Variants in KMT5A observed in about 807,000 individuals in gnomAD.
KMT5A encodes N-lysine methyltransferase KMT5A.
Under a neutral mutation model 40.6 loss-of-function variants are expected in KMT5A, and 6 were observed. The observed-to-expected ratio is 0.15, with a 90% confidence interval of 0.08 to 0.29. The LOEUF (loss-of-function observed/expected upper bound fraction) is 0.29, where lower values mean the gene tolerates loss of function less well. KMT5A is among the 10% of genes least tolerant of loss of function. KMT5A has a pLI of 1.00. For synonymous variants in KMT5A, 153 were observed against 178.8 expected, an observed-to-expected ratio of 0.86 and a Z score of 1.15; for missense variants, 308 against 459.1, an observed-to-expected ratio of 0.67 and a Z score of 3.01.
intron 5 of KMT5A, among the ~76,000 whole-genome samples, chr12:123,397,890 C>T (rs924071588): frequency 2.7e-5 from 4 of 149,446 alleles, no homozygotes; most frequent in African/African-American, 9.8e-5. Flanking sequence ...TCAGGCTGGT[C>T]TCGAACTCTC....
At chr12:123,392,670 A>G (rs1303290367) in intron 3 of KMT5A, among the ~76,000 whole-genome samples, 8 of 152,092 alleles carry the variant, frequency 5.3e-5, no homozygotes, top group African/African-American at 1.9e-4. Flanking sequence ...TCTCTAATAT[A>G]AAAATAAAAA....
intron 5 of KMT5A, among the ~76,000 whole-genome samples, chr12:123,401,583 G>GT (rs1878182895): frequency 6.8e-6 from 1 of 146,028 alleles, no homozygotes; most frequent in Non-Finnish European, 1.5e-5. Context: ...GTTTTTTTTT[G>GT]TTTTTTGTTT....
rs371352371 is a variant in KMT5A at position 123,404,967 on chromosome 12, G to A, written c.741G>A (p.Gly247=). The A allele has an allele frequency of 6.2e-7, 1 of 1,613,840 alleles. No individual in the cohort carries two copies. Among genetic ancestry groups the A allele is most frequent in the African/African-American group, 1.3e-5 (1 of 74,892 alleles). ...SRGDFVVEYH[G]DLIEITDAKK... Reference sequence around the variant, plus strand: ...GTGACTTTGTGGTGGAATACCACGGGGACCTCATCGAGATCACCGACGCCA... The same window carrying A: ...GTGACTTTGTGGTGGAATACCACGGAGACCTCATCGAGATCACCGACGCCA... Residue 247 remains glycine (G), a synonymous_variant, in exon 7 of 8, where the codon GGG becomes GGA. Coordinates refer to ENST00000402868, the MANE Select transcript of KMT5A (RefSeq NM_020382.7).
intron 1 of KMT5A, chr12:123,388,695 C>T (rs28533432): frequency 0.6 from 90,383 of 149,666 alleles, 28,654 homozygotes; most frequent in East Asian, 0.71. Flanking sequence ...TTTCGTCTGG[C>T]ACAGACCGGG....
intron 2 of KMT5A, among the ~76,000 whole-genome samples, chr12:123,389,864 T>C (rs908796368): frequency 6.6e-6 from 1 of 151,954 alleles, no homozygotes; most frequent in African/African-American, 2.4e-5. Context: ...GCCTCGGTGT[T>C]GAATGGTCCC....
chr12:123,385,261 T>C (rs962090063), intron 1 of KMT5A, among the ~76,000 whole-genome samples: 2 of 152,144 alleles, frequency 1.3e-5, no homozygotes, highest in African/African-American at 4.8e-5. Flanking sequence ...GGATAAGACT[T>C]ACCCAGAGCC....
intron 2 of KMT5A, chr12:123,390,052 T>C (rs1380832242): frequency 4.3e-6 from 2 of 468,028 alleles, no homozygotes; most frequent in Non-Finnish European, 8.8e-6. Context: ...CCGAATGCGC[T>C]GGCTGTGGCT....
chr12:123,398,303 T>C (rs1419276182), intron 5 of KMT5A, among the ~76,000 whole-genome samples: 11 of 148,382 alleles, frequency 7.4e-5, no homozygotes, highest in African/African-American at 2.5e-4. Context: ...AAGACAGCAC[T>C]GCAGATGGTG....
In KMT5A at chr12:123,395,238, A is replaced by T. The variant is rs1566076895; in HGVS notation, c.481A>T (p.Ile161Phe). Residue 161 changes from isoleucine to phenylalanine, a missense_variant, in exon 4 of 8, where the codon ATC becomes TTC. By Grantham distance (21) the Ile-to-Phe change is conservative (BLOSUM62 0). Coordinates refer to ENST00000402868, the MANE Select transcript of KMT5A (RefSeq NM_020382.7). ...AIAKQALKKP[I>F]KGKQAPRKKA... The stretch of plus-strand genomic sequence containing the variant: ...CGCCAAGCAAGCCCTGAAAAAGCCC[A>T]TCAAGGGCAAACAGGCCCCCCGAAA... The T allele has an allele frequency of 1.2e-6, 2 of 1,613,464 alleles. No homozygotes were observed. Among genetic ancestry groups the T allele is most frequent in the South Asian group, 2.2e-5 (2 of 90,954 alleles).
At chr12:123,395,566 GTTT>G (rs144265301) in intron 4 of KMT5A, among the ~76,000 whole-genome samples, 1 of 143,062 alleles carries the variant, frequency 7.0e-6, no homozygotes, top group African/African-American at 2.6e-5. Context: ...GGTGTTTTGT[GTTT>G]TTTTTTTTTT....
intron 3 of KMT5A, among the ~76,000 whole-genome samples, chr12:123,394,401 C>G (rs1336942393): frequency 6.6e-6 from 1 of 152,108 alleles, no homozygotes. Flanking sequence ...CTGTGTCCAG[C>G]CTATTTACTT....
chr12:123,401,561 G>A (rs1878180294), intron 5 of KMT5A, among the ~76,000 whole-genome samples: 1 of 151,188 alleles, frequency 6.6e-6, no homozygotes, highest in Non-Finnish European at 1.5e-5. Flanking sequence ...TATTAAATAA[G>A]TTTATGGGAA....
intron 3 of KMT5A, 46 bp downstream of exon 3, chr12:123,390,832 G>T (rs770232374): frequency 1.2e-6 from 2 of 1,601,564 alleles, no homozygotes; most frequent in Non-Finnish European, 1.7e-6. Flanking sequence ...TGGTCGGGTT[G>T]CAGAAGCCTC....
At chr12:123,406,514 A>G (rs1251106034) in intron 7 of KMT5A, among the ~76,000 whole-genome samples, 2 of 151,896 alleles carry the variant, frequency 1.3e-5, no homozygotes, top group Admixed American at 6.6e-5. Flanking sequence ...GCGTTTCACC[A>G]TGGTGGCCAG....
intron 1 of KMT5A, among the ~76,000 whole-genome samples, chr12:123,387,851 G>C (rs1033555887): frequency 6.6e-6 from 1 of 152,210 alleles, no homozygotes; most frequent in South Asian, 2.1e-4. Context: ...AGGACACTGA[G>C]GCCCAGACTG....
At chr12:123,399,498 G>A (rs993638973) in intron 5 of KMT5A, among the ~76,000 whole-genome samples, 12 of 152,152 alleles carry the variant, frequency 7.9e-5, no homozygotes, top group East Asian at 5.8e-4. Context: ...CCACTACCCC[G>A]GTCTTTCCAT....
Position 123,389,457 on chromosome 12 carries a change from C to T in KMT5A, c.35C>T (p.Ala12Val). 1 of 1,100,314 alleles carries T rather than the reference C, an allele frequency of 9.1e-7. No homozygotes were observed. Among genetic ancestry groups the T allele is most frequent in the Non-Finnish European group, 1.1e-6 (1 of 909,608 alleles). The allele number at this position is 1,100,314 out of a possible 1,614,324, so 68.2% of individuals were successfully genotyped here. A position where few individuals can be genotyped will look rare whatever the true frequency, so the allele number is the denominator to read the frequency against. The stretch of plus-strand genomic sequence containing the variant: ...GGCAGGAAGATGTCCAAGCCCCGCG[C>T]GGTGGAGGCGGCGGCGGCGGCGGCG... Reference protein sequence around the residue: ...ARGRKMSKPRAVEAAAAAAAV... With the variant: ...ARGRKMSKPRVVEAAAAAAAV... Residue 12 changes from alanine (A) to valine (V), a missense_variant, in exon 2 of 8, where the codon GCG (alanine) becomes GTG (valine). By Grantham distance (64) the Ala-to-Val change is moderately conservative. Around this residue, in one of 4 missense-constraint regions of KMT5A, gnomAD observed 92 missense variants for 78.3 expected, o/e 1.18. Transcript: ENST00000402868.
chr12:123,403,656 C>T, intron 6 of KMT5A, 24 bp downstream of exon 6: 9 of 1,613,872 alleles, frequency 5.6e-6, no homozygotes, highest in Non-Finnish European at 6.8e-6. Flanking sequence ...GTGCTTGCTG[C>T]ATCATAGCTA....
chr12:123,406,405 C>T (rs28738781), intron 7 of KMT5A, among the ~76,000 whole-genome samples: 2 of 152,146 alleles, frequency 1.3e-5, no homozygotes, highest in African/African-American at 2.4e-5. Context: ...ACTTCCACTT[C>T]CGAAGTTTAA....
Sources: gnomAD v4.1 joint callset for allele counts (sites outside exome capture counted in the v4.1 genomes callset) on GRCh38, gnomAD v4.1.1 for gene constraint, gnomAD v4.1.1 regional missense constraint, MANE v1.5 for transcripts, NCBI Gene and HGNC (gene_info 2026-07-23, HGNC 2026-07-21) for gene names.